The following WDFY4 variants were observed in gnomAD, a reference collection of about 807,000 sequenced individuals.
WDFY4 encodes the protein WD repeat- and FYVE domain-containing protein 4.
In WDFY4, 169 loss-of-function variants were observed where a neutral mutation model predicts 351.9. The observed-to-expected ratio is 0.48, with a 90% CI of 0.42 to 0.55. The LOEUF is 0.55. WDFY4 is among the 20% of genes least tolerant of loss of function. The pLI, the probability that WDFY4 is intolerant of heterozygous loss-of-function variation, is 0.00. For missense variants in WDFY4, 3,803 were observed against 3,935.6 expected (o/e 0.97, Z 0.90); for synonymous variants, 1,622 against 1,574.6 (o/e 1.03, Z -0.71).
chr10:48,693,451 A>C (rs974234267), intron 1 of WDFY4, among the ~76,000 whole-genome samples: 3 of 152,184 alleles, frequency 2.0e-5, no homozygotes, highest in Admixed American at 6.5e-5. Context: ...TTTCTGTTCT[A>C]TTCAGATGCC....
At chr10:48,780,701 C>A (rs1298036850) in intron 19 of WDFY4, among the ~76,000 whole-genome samples, 2 of 152,212 alleles carry the variant, frequency 1.3e-5, no homozygotes, top group African/African-American at 4.8e-5. Context: ...AAAGGTGGAG[C>A]TGGCAGGCGC....
chr10:48,828,596 A>G (rs1565246392), intron 36 of WDFY4, among the ~76,000 whole-genome samples, 182 bp from the exon 37 acceptor site: 2 of 152,180 alleles, frequency 1.3e-5, no homozygotes, highest in Admixed American at 6.5e-5. Context: ...TCAGAATGCC[A>G]CTCTAAAATA....
Position 48,786,733 on chromosome 10 carries a change from G to A in WDFY4, c.3671G>A (p.Trp1224Ter), listed in dbSNP as rs768745357. The A allele has an allele frequency of 6.4e-7, 1 of 1,552,280 alleles. No homozygotes were observed. The highest frequency in any genetic ancestry group is 1.2e-5 in the South Asian group (1 of 84,058). The change falls in exon 20 of 62, where the codon TGG becomes TAG. Residue 1224 changes from tryptophan to a stop codon, truncating the protein, a stop_gained. Transcript: ENST00000325239. LOFTEE classifies it high-confidence loss of function. ...GGATATATTGCTACTCCTCGAGTCTGGAAACAAAAGTCTTCATTAATCTGG... is the reference window on the plus strand; with the variant it reads ...GGATATATTGCTACTCCTCGAGTCTAGAAACAAAAGTCTTCATTAATCTGG... ...VYGYIATPRV[W>*]KQKSSLIWRL...
intron 20 of WDFY4, among the ~76,000 whole-genome samples, chr10:48,787,791 C>G (rs546910423): frequency 2.2e-3 from 171 of 78,338 alleles, no homozygotes; most frequent in Admixed American, 3.8e-3. Flanking sequence ...TCCTCTTCCT[C>G]CTCCTCCTCC....
intron 39 of WDFY4, among the ~76,000 whole-genome samples, chr10:48,836,673 TTTC>T (rs1322715572): frequency 2.0e-5 from 3 of 152,204 alleles, no homozygotes; most frequent in African/African-American, 7.2e-5. Flanking sequence ...ATAGATGTTA[TTTC>T]TTCTTCTTCT....
In WDFY4 at chr10:48,914,210, G is replaced by A. The variant is rs1838288713; in HGVS notation, c.7586+12347G>A. ...TATTGTTCTGATTGGATAGTGATCA[G>A]TGTGAGGAAAAATCATGAAAAACTG... On this transcript the variant is annotated intron_variant, in intron 47 of 61. Coordinates refer to ENST00000325239, the MANE Select transcript of WDFY4 (RefSeq NM_001394531.1). The A allele has an allele frequency of 5.8e-6, 9 of 1,539,258 alleles. No individual in the cohort carries two copies. In the Admixed American group the frequency reaches 9.6e-5, roughly 16 times the overall value.
intron 39 of WDFY4, among the ~76,000 whole-genome samples, chr10:48,854,063 A>G (rs1429346087): frequency 1.3e-5 from 2 of 152,184 alleles, no homozygotes; most frequent in Admixed American, 1.3e-4. Context: ...CCAAACTCAT[A>G]GAGCATTTTC....
Position 48,822,486 on chromosome 10 carries a change from C to T in WDFY4, c.5931C>T (p.Phe1977=). 1 of 1,550,490 alleles carries T rather than the reference C, an allele frequency of 6.4e-7. No individual in the cohort carries two copies. The highest frequency in any genetic ancestry group is 8.7e-7 in the Non-Finnish European group (1 of 1,146,198). The change falls in exon 35 of 62, where the codon TTC becomes TTT. Residue 1977 remains phenylalanine (F), a synonymous_variant. Transcript: ENST00000325239. The part of the protein sequence containing the change: ...KLVEKLYSGM[F]SADPRHILLF... ...TGGAGAAGCTGTACAGTGGGATGTTCTCGGCAGACCCCAGGCATATCCTCC... is the reference window on the plus strand; with the variant it reads ...TGGAGAAGCTGTACAGTGGGATGTTTTCGGCAGACCCCAGGCATATCCTCC...
At chr10:48,882,122 C>A (rs1564445828) in intron 43 of WDFY4, among the ~76,000 whole-genome samples, 1 of 152,180 alleles carries the variant, frequency 6.6e-6, no homozygotes. Flanking sequence ...GGGGAGCCAA[C>A]CTGCAGCCAG....
rs1565199083 is a variant in WDFY4, at chr10:48,787,942, CTT to C, written c.3809-587_3809-586del. Among the ~76,000 whole-genome samples, 187 of 104,496 alleles carry C rather than the reference CTT, an allele frequency of 1.8e-3. 4 individuals carry two copies. The highest frequency in any genetic ancestry group is 7.0e-3 in the South Asian group (20 of 2,844). The allele number at this position is 104,496 out of a possible 152,430, so 68.6% of individuals were successfully genotyped here. A position where few individuals can be genotyped will look rare whatever the true frequency, so the allele number is the denominator to read the frequency against. ...TCTTCTTCTTCTTCTTCTTCTTCTT[CTT>C]CTTCTTCTTCTTCTTCTTCTTCTTC... On this transcript the variant is annotated intron_variant, in intron 20 of 61. Transcript: ENST00000325239.
intron 9 of WDFY4, among the ~76,000 whole-genome samples, chr10:48,732,876 T>A (rs888019302): frequency 7.9e-5 from 12 of 151,964 alleles, no homozygotes; most frequent in Non-Finnish European, 1.3e-4. Context: ...TCCCTGGGAG[T>A]GTTTGCAAAT....
At chr10:48,790,106 G>A (rs2066629701) in intron 22 of WDFY4, 121 bp downstream of exon 22, 1 of 959,554 alleles carries the variant, frequency 1.0e-6, no homozygotes, top group Non-Finnish European at 1.6e-6. Flanking sequence ...ACCAGGGTCG[G>A]GAGGACCAGA....
At chr10:48,735,464 G>A (rs940167655) in intron 10 of WDFY4, among the ~76,000 whole-genome samples, 2 of 152,120 alleles carry the variant, frequency 1.3e-5, no homozygotes. Context: ...GGTAGATCTA[G>A]TTAAAGCTTT....
At chr10:48,774,849 G>A (rs1382898069) in intron 14 of WDFY4, among the ~76,000 whole-genome samples, 177 bp downstream of exon 14, 1 of 152,232 alleles carries the variant, frequency 6.6e-6, no homozygotes, top group East Asian at 1.9e-4. Context: ...GCAGTGTGCA[G>A]GTGCCCACAA....
At chr10:48,769,120 C>G (rs760242460) in intron 13 of WDFY4, among the ~76,000 whole-genome samples, 7 of 152,218 alleles carry the variant, frequency 4.6e-5, no homozygotes, top group Non-Finnish European at 1.0e-4. Context: ...AAGTTTGGAG[C>G]AGGCACCCAC....
chr10:48,822,239 G>A lies in WDFY4; in HGVS notation c.5825-141G>A, dbSNP rs139399335. 6,348 of 848,574 alleles carry A rather than the reference G, an allele frequency of 7.5e-3. 38 individuals are homozygous for A. The highest frequency in any genetic ancestry group is 8.2e-3 in the Non-Finnish European group (5,060 of 618,282). 52.6% of individuals were successfully genotyped at this position (848,574 alleles called of 1,614,324 possible). On this transcript the variant is annotated intron_variant, in intron 34 of 61. Coordinates refer to ENST00000325239, the MANE Select transcript of WDFY4 (RefSeq NM_001394531.1). ...TAAATGTGTGTGTGTTGGGCACCTC[G>A]TCAGTACAAGACTCCATCTTTGGAA...
At chr10:48,852,023 A>G (rs2068973580) in intron 39 of WDFY4, among the ~76,000 whole-genome samples, 1 of 152,228 alleles carries the variant, frequency 6.6e-6, no homozygotes, top group African/African-American at 2.4e-5. Context: ...AGCAAATGCT[A>G]TTTAGTTCCA....
chr10:48,975,037 T>A lies in WDFY4; in HGVS notation c.9104T>A (p.Val3035Asp), dbSNP rs1842505939. ...ATCTCAGCCATCACCATCAGTGACGTCTCAGTAAGTCTCCTGTTTCTCAGT... is the reference window on the plus strand; with the variant it reads ...ATCTCAGCCATCACCATCAGTGACGACTCAGTAAGTCTCCTGTTTCTCAGT... The part of the protein sequence containing the change: ...EGISAITISD[V>D]SGTIVSCAGA... Residue 3035 changes from valine to aspartate, a missense_variant, in exon 58 of 62, where the codon GTC becomes GAC. By Grantham distance (152) the Val-to-Asp change is radical. Transcript: ENST00000325239. 2 of 1,551,580 alleles carry A rather than the reference T, an allele frequency of 1.3e-6. No individual in the cohort carries two copies.
chr10:48,845,031 G>C (rs889797993), intron 39 of WDFY4, among the ~76,000 whole-genome samples: 1 of 152,188 alleles, frequency 6.6e-6, no homozygotes, highest in Admixed American at 6.5e-5. Flanking sequence ...TGGGGGAGGA[G>C]AGCTTGGGAA....
Sources: allele counts gnomAD v4.1 joint callset (sites outside exome capture counted in the v4.1 genomes callset), GRCh38; gene constraint gnomAD v4.1.1; transcripts MANE v1.5; gene names NCBI Gene and HGNC (gene_info 2026-07-23, HGNC 2026-07-21).